The following KLRG2 variants were observed in gnomAD, a reference collection of about 807,000 sequenced individuals.
KLRG2 encodes killer cell lectin-like receptor subfamily G member 2.
Under a neutral mutation model 35.4 loss-of-function variants are expected in KLRG2, and 39 were observed. That is an observed-to-expected ratio of 1.10 (90% CI 0.85 to 1.44). The LOEUF (loss-of-function observed/expected upper bound fraction) is 1.44, where lower values mean the gene tolerates loss of function less well. KLRG2 is among the 40% of genes most tolerant of loss of function. KLRG2 has a pLI of 0.00. For missense variants in KLRG2, 632 were observed against 570.9 expected, an observed-to-expected ratio of 1.11 and a Z score of -1.09; for synonymous variants, 283 against 265.8, an observed-to-expected ratio of 1.06 and a Z score of -0.63.
chr7:139,464,209 T>C (rs1178817095), intron 3 of KLRG2, among the ~76,000 whole-genome samples: 1 of 152,112 alleles, frequency 6.6e-6, no homozygotes, highest in Non-Finnish European at 1.5e-5. Context: ...ACTCCCTCCT[T>C]GGCGATTGAT....
chr7:139,473,313 A>T lies in KLRG2; in HGVS notation c.1005+6314T>A, dbSNP rs543318340. ...ATAAAATAAAGATAAAAATAAATAA[A>T]TAAAAAGGGAAGGATATTTAAGTGC... On this transcript the variant is annotated intron_variant, in intron 3 of 4. Transcript: ENST00000340940. Among the ~76,000 whole-genome samples the T allele has an allele frequency of 2.0e-4, 31 of 152,202 alleles. No homozygotes were observed. In the Middle Eastern group the frequency reaches 0.02, roughly 100 times the overall value.
the KLRG2 span, among the ~76,000 whole-genome samples, chr7:139,437,771 T>C: frequency 2.5e-4 from 38 of 152,338 alleles, no homozygotes; most frequent in Middle Eastern, 6.8e-3. Flanking sequence ...ATTAGTCATT[T>C]TTCTACGAGT....
intron 3 of KLRG2, among the ~76,000 whole-genome samples, chr7:139,470,666 C>A (rs557546603): frequency 9.9e-5 from 15 of 152,114 alleles, no homozygotes; most frequent in African/African-American, 3.6e-4. Context: ...TGGCACATGC[C>A]TGTGGTCCCA....
At chr7:139,460,259 A>C (rs1585165418) in intron 3 of KLRG2, among the ~76,000 whole-genome samples, 1 of 152,240 alleles carries the variant, frequency 6.6e-6, no homozygotes, top group Non-Finnish European at 1.5e-5. Flanking sequence ...TTGCGAGGGG[A>C]CCTGGCCCCG....
chr7:139,447,019 T>C, the KLRG2 span, among the ~76,000 whole-genome samples: 1 of 144,184 alleles, frequency 6.9e-6, no homozygotes, highest in African/African-American at 2.9e-5. Flanking sequence ...TCAGCTCTTT[T>C]GACAGGACCT....
At chr7:139,467,098 C>T (rs1796672779) in intron 3 of KLRG2, among the ~76,000 whole-genome samples, 3 of 152,090 alleles carry the variant, frequency 2.0e-5, no homozygotes, top group African/African-American at 7.2e-5. Context: ...CACAATATCG[C>T]CCCTTACCAC....
At chr7:139,472,808 G>A (rs1796781680) in intron 3 of KLRG2, among the ~76,000 whole-genome samples, 1 of 152,130 alleles carries the variant, frequency 6.6e-6, no homozygotes, top group Non-Finnish European at 1.5e-5. Context: ...CAATGTACGG[G>A]AAAAAGGACC....
At position 139,483,666 on chromosome 7, in the gene KLRG2, A is replaced by C. The variant is rs186989562; in HGVS notation, c.-24T>G. ...ATCCCGCGCGCCCCGCCACCCGGAGACGCTGAGGAGCGCACCTGGGCCCAG... is the reference window on the plus strand; with the variant it reads ...ATCCCGCGCGCCCCGCCACCCGGAGCCGCTGAGGAGCGCACCTGGGCCCAG... On this transcript the variant is annotated 5_prime_UTR_variant, in exon 1 of 5. Coordinates refer to ENST00000340940, the MANE Select transcript of KLRG2 (RefSeq NM_198508.4). The C allele has an allele frequency of 2.2e-4, 320 of 1,472,756 alleles. 2 individuals carry two copies. In the African/African-American group the frequency reaches 4.3e-3, roughly 20 times the overall value. The allele number at this position is 1,472,756 out of a possible 1,614,324, so 91.2% of individuals were successfully genotyped here.
intron 3 of KLRG2, among the ~76,000 whole-genome samples, chr7:139,468,822 A>C (rs1403811066): frequency 6.6e-6 from 1 of 152,228 alleles, no homozygotes; most frequent in Non-Finnish European, 1.5e-5. Context: ...ATGTGACCGT[A>C]CTTGGAGTCA....
Position 139,483,031 on chromosome 7 carries a change from G to T in KLRG2, c.612C>A (p.Ser204Arg). 2 of 1,371,358 alleles carry T rather than the reference G, an allele frequency of 1.5e-6. No individual in the cohort carries two copies. Among genetic ancestry groups the T allele is most frequent in the Non-Finnish European group, 1.9e-6 (2 of 1,071,898 alleles). 84.9% of individuals were successfully genotyped at this position (1,371,358 alleles called of 1,614,324 possible). ...ESGCDAEGRASPAEGSAGSPG... is the reference protein window; with the variant it reads ...ESGCDAEGRARPAEGSAGSPG... ...GGGAGCCGGCGCTTCCTTCCGCGGG[G>T]CTGGCCCGGCCCTCTGCGTCGCAGC... The change falls in exon 1 of 5, where the codon AGC (serine) becomes AGA (arginine). Residue 204 changes from serine to arginine, a missense_variant. Physicochemically the swap from Ser to Arg is moderately radical, Grantham distance 110. Coordinates refer to ENST00000340940, the MANE Select transcript of KLRG2 (RefSeq NM_198508.4).
chr7:139,480,636 G>A (rs375492147), intron 1 of KLRG2, among the ~76,000 whole-genome samples: 33 of 150,970 alleles, frequency 2.2e-4, no homozygotes, highest in African/African-American at 7.1e-4. Flanking sequence ...TAGTAGAGAC[G>A]GGGTTTCACC....
the KLRG2 span, among the ~76,000 whole-genome samples, chr7:139,429,496 T>C: frequency 6.6e-6 from 1 of 151,300 alleles, no homozygotes; most frequent in Non-Finnish European, 1.5e-5. Context: ...AGGTCTCTGG[T>C]TTTCCTAGGC....
chr7:139,430,149 T>TTAG, the KLRG2 span, among the ~76,000 whole-genome samples: 2 of 152,250 alleles, frequency 1.3e-5, no homozygotes. Context: ...ATGCTTGTAA[T>TTAG]CCCAGCACTT....
At position 139,455,610 on chromosome 7, in the gene KLRG2, C is replaced by T. The variant is rs188128410; in HGVS notation, c.1006-1396G>A. Among the ~76,000 whole-genome samples the T allele has an allele frequency of 5.2e-3, 775 of 150,006 alleles. 9 individuals are homozygous for T. The highest frequency in any genetic ancestry group is 0.018 in the African/African-American group (738 of 40,756). ...TGCTGGGATTACAGGCGTGAGCCACCGCGCCCGGCCAAGATTTTTTAACTT... is the reference window on the plus strand; with the variant it reads ...TGCTGGGATTACAGGCGTGAGCCACTGCGCCCGGCCAAGATTTTTTAACTT... On this transcript the variant is annotated intron_variant, in intron 3 of 4. Transcript: ENST00000340940.
rs772270283 is a variant in KLRG2 at position 139,483,049 on chromosome 7, G to T, written c.594C>A (p.Asp198Glu). The change falls in exon 1 of 5, where the codon GAC becomes GAA. Residue 198 changes from aspartate to glutamate, a missense_variant. Asp to Glu is a conservative substitution (Grantham distance 45). Transcript: ENST00000340940. ...LAAARTESGCDAEGRASPAEG... is the reference protein window; with the variant it reads ...LAAARTESGCEAEGRASPAEG... ...CCGCGGGGCTGGCCCGGCCCTCTGC[G>T]TCGCAGCCGCTCTCCGTCCGGGCTG... 3.0e-5 allele frequency: 41 copies of T among 1,375,412 alleles called. No homozygotes were observed. The highest frequency in any genetic ancestry group is 3.3e-5 in the Non-Finnish European group (36 of 1,075,360). The allele number at this position is 1,375,412 out of a possible 1,614,324, so 85.2% of individuals were successfully genotyped here. A position where few individuals can be genotyped will look rare whatever the true frequency, so the allele number is the denominator to read the frequency against.
At chr7:139,471,531 G>A (rs1392405133) in intron 3 of KLRG2, among the ~76,000 whole-genome samples, 1 of 152,070 alleles carries the variant, frequency 6.6e-6, no homozygotes, top group Non-Finnish European at 1.5e-5. Flanking sequence ...CATGATGGCA[G>A]GTGCCTGTAA....
rs1796919486 is a variant in KLRG2, at chr7:139,479,668, A to G, written c.964T>C (p.Ser322Pro). The G allele has an allele frequency of 1.2e-6, 2 of 1,613,648 alleles. No homozygotes were observed. Among genetic ancestry groups the G allele is most frequent in the Non-Finnish European group, 1.7e-6 (2 of 1,180,016 alleles). ...AGGGGGAGGGTAGCGTGGTAGGCTG[A>G]GCAGAAAGCCTGGCTGGCTTCCCAG... ...QAWEASQAFC[S>P]AYHATLPLLS... The change falls in exon 3 of 5, where the codon TCA (serine) becomes CCA (proline). Residue 322 changes from serine (S) to proline (P), a missense_variant. By Grantham distance (74) the Ser-to-Pro change is moderately conservative. Transcript: ENST00000340940.
intron 3 of KLRG2, among the ~76,000 whole-genome samples, chr7:139,455,446 C>G (rs965484325): frequency 6.6e-6 from 1 of 151,798 alleles, no homozygotes; most frequent in Non-Finnish European, 1.5e-5. Flanking sequence ...CTCAGCCTCC[C>G]GAGTAGCTGG....
chr7:139,445,384 C>G, the KLRG2 span, among the ~76,000 whole-genome samples: 1 of 152,126 alleles, frequency 6.6e-6, no homozygotes, highest in African/African-American at 2.4e-5. Flanking sequence ...TGGCATCATT[C>G]TAAGCACCAA....
Sources: gnomAD v4.1 joint callset for allele counts (sites outside exome capture counted in the v4.1 genomes callset) on GRCh38, gnomAD v4.1.1 for gene constraint, MANE v1.5 for transcripts, NCBI Gene and HGNC (gene_info 2026-07-23, HGNC 2026-07-21) for gene names.